GLIS1: variants seen among roughly 807,000 people sequenced by gnomAD.
GLIS1 encodes the protein GLIS family zinc finger 1.
Under a neutral mutation model 63.8 loss-of-function variants are expected in GLIS1, and 24 were observed. That is an observed-to-expected ratio of 0.38 (90% CI 0.27 to 0.53). The LOEUF is 0.53. GLIS1 is among the 20% of genes least tolerant of loss of function. The probability of loss-of-function intolerance (pLI) is 0.85; values close to 1 mark genes in which losing one functional copy is unlikely to be tolerated. For synonymous variants in GLIS1, 450 were observed against 482.5 expected (o/e 0.93, Z 0.88); for missense variants, 1,036 against 1,074.1 (o/e 0.96, Z 0.50).
intron 4 of GLIS1, among the ~76,000 whole-genome samples, chr1:53,571,343 A>C (rs1011372746): frequency 6.6e-6 from 1 of 152,230 alleles, no homozygotes; most frequent in Admixed American, 6.5e-5. Context: ...ATTTTCATAC[A>C]TTCCCTAAGC....
chr1:53,591,311 AGAG>A (rs902894345), intron 4 of GLIS1, among the ~76,000 whole-genome samples: 1 of 152,132 alleles, frequency 6.6e-6, no homozygotes, highest in Non-Finnish European at 1.5e-5. Flanking sequence ...ACCGCAGGCA[AGAG>A]GAGGCCAGGG....
intron 2 of GLIS1, among the ~76,000 whole-genome samples, chr1:53,703,402 C>T (rs1018149549): frequency 3.3e-5 from 5 of 151,908 alleles, no homozygotes; most frequent in Non-Finnish European, 5.9e-5. Flanking sequence ...TTTAAGAGGC[C>T]AAGGCAGGAG....
Position 53,639,381 on chromosome 1 carries a change from G to A in GLIS1, c.260-39103C>T, listed in dbSNP as rs1422129863. Among the ~76,000 whole-genome samples, 1 of 152,120 alleles carries A rather than the reference G, an allele frequency of 6.6e-6. No individual in the cohort carries two copies. The highest frequency in any genetic ancestry group is 1.5e-5 in the Non-Finnish European group (1 of 68,026). On this transcript the variant is annotated intron_variant, in intron 2 of 10. Transcript: ENST00000628545. The surrounding 1 kb of genome is among the most constrained non-coding windows in gnomAD (Gnocchi z 4.6). The stretch of plus-strand genomic sequence containing the variant: ...CCATCTCCCATTGGCCCGCAGGGTG[G>A]CAGCAGCCGTCTGGGAGGCTGGACT...
At chr1:53,582,016 G>T (rs1176910761) in intron 4 of GLIS1, among the ~76,000 whole-genome samples, 1 of 152,210 alleles carries the variant, frequency 6.6e-6, no homozygotes, top group Non-Finnish European at 1.5e-5. Flanking sequence ...GACTTGCCCA[G>T]AACCACAGAC....
At chr1:53,658,759 C>G (rs1391717136) in intron 2 of GLIS1, among the ~76,000 whole-genome samples, 1 of 152,164 alleles carries the variant, frequency 6.6e-6, no homozygotes, top group Non-Finnish European at 1.5e-5. Context: ...CCATGGTGCA[C>G]AGCAGGAGGT....
At chr1:53,573,372 C>T (rs1401977111) in intron 4 of GLIS1, among the ~76,000 whole-genome samples, 1 of 152,020 alleles carries the variant, frequency 6.6e-6, no homozygotes, top group African/African-American at 2.4e-5. Context: ...GACCCTCCAC[C>T]CCCTCCAATT....
At chr1:53,513,865 G>A (rs545590834) in intron 8 of GLIS1, among the ~76,000 whole-genome samples, 1 of 152,376 alleles carries the variant, frequency 6.6e-6, no homozygotes, top group East Asian at 1.9e-4. Flanking sequence ...CCATGGCCAA[G>A]GCTGTAGCCA....
intron 2 of GLIS1, among the ~76,000 whole-genome samples, chr1:53,605,651 G>A (rs1271728675): frequency 6.6e-6 from 1 of 152,222 alleles, no homozygotes; most frequent in Non-Finnish European, 1.5e-5. Context: ...TCAGGACAAG[G>A]ATCTTGGAGC....
intron 2 of GLIS1, among the ~76,000 whole-genome samples, chr1:53,603,277 A>G (rs1468287200): frequency 6.6e-6 from 1 of 152,154 alleles, no homozygotes; most frequent in Non-Finnish European, 1.5e-5. Context: ...CTCTGGGTGG[A>G]AACATCAACC....
At chr1:53,645,295 C>T (rs984348395) in intron 2 of GLIS1, among the ~76,000 whole-genome samples, 3 of 152,214 alleles carry the variant, frequency 2.0e-5, no homozygotes, top group African/African-American at 7.2e-5. Flanking sequence ...CCAACACTTC[C>T]TGTCTCCCTT....
intron 2 of GLIS1, among the ~76,000 whole-genome samples, chr1:53,631,453 T>A (rs1333666119): frequency 6.6e-6 from 1 of 152,230 alleles, no homozygotes; most frequent in African/African-American, 2.4e-5. Context: ...ATATCACATG[T>A]ATGTACTTAC....
chr1:53,598,271 G>A lies in GLIS1; in HGVS notation c.437+1830C>T, dbSNP rs534082243. 1.1e-4 allele frequency among the ~76,000 whole-genome samples: 17 copies of A among 152,288 alleles called. No homozygotes were observed. The highest frequency in any genetic ancestry group is 3.1e-4 in the African/African-American group (13 of 41,574). On this transcript the variant is annotated intron_variant, in intron 3 of 10. Transcript: ENST00000628545. The surrounding 1 kb of genome is among the most constrained non-coding windows in gnomAD (Gnocchi z 4.6). ...CTTATAAGAAATGAGGGCCGGGCAC[G>A]GTGGCTCACGCCTGTAATCCCAGCA...
At chr1:53,603,228 G>A (rs1405246995) in intron 2 of GLIS1, among the ~76,000 whole-genome samples, 2 of 152,286 alleles carry the variant, frequency 1.3e-5, no homozygotes, top group South Asian at 2.1e-4. Context: ...TAGTGCTCTA[G>A]GCTCATTCAA....
At chr1:53,567,728 G>C (rs547276331) in intron 4 of GLIS1, among the ~76,000 whole-genome samples, 1 of 152,334 alleles carries the variant, frequency 6.6e-6, no homozygotes, top group African/African-American at 2.4e-5. Flanking sequence ...GTGGCTAAAA[G>C]GGGCCAAGGT....
chr1:53,665,845 G>A (rs189305349), intron 2 of GLIS1, among the ~76,000 whole-genome samples: 15 of 152,272 alleles, frequency 9.9e-5, no homozygotes, highest in South Asian at 6.2e-4. Context: ...ATACAATGAC[G>A]CCTAAGAACT....
At chr1:53,509,415 A>G in intron 9 of GLIS1, 128 bp from the exon 10 acceptor site, 1 of 1,014,304 alleles carries the variant, frequency 9.9e-7, no homozygotes, top group Non-Finnish European at 1.4e-6. Flanking sequence ...TGAGAGAGAG[A>G]GGAGGGCCCA....
intron 2 of GLIS1, among the ~76,000 whole-genome samples, chr1:53,717,941 T>G (rs1197957831): frequency 6.6e-6 from 1 of 152,016 alleles, no homozygotes; most frequent in Non-Finnish European, 1.5e-5. Context: ...GCTCTGCCCA[T>G]GCGAAGCATC....
Position 53,524,844 on chromosome 1 carries a change from G to T in GLIS1, c.1526C>A (p.Thr509Lys), listed in dbSNP as rs1644448452. The T allele has an allele frequency of 1.2e-6, 2 of 1,613,110 alleles. No individual in the cohort carries two copies. The change falls in exon 6 of 11, where the codon ACA (threonine) becomes AAA (lysine). Residue 509 changes from threonine (T) to lysine (K), a missense_variant. Thr to Lys is a moderately conservative substitution (Grantham distance 78, BLOSUM62 -1). Around this residue, in one of 3 missense-constraint regions of GLIS1, gnomAD observed 400 missense variants for 400.9 expected, o/e 1.00. Transcript: ENST00000628545. ...GTGCTTGCGGAGGGAGCTGGGGTCT[G>T]TGTAGCGCTTGGAGCAGCCAGGGAT... ...CQIPGCSKRY[T>K]DPSSLRKHVK...
rs750997565 is a variant in GLIS1 at position 53,594,126 on chromosome 1, C to T, written c.1302G>A (p.Glu434=). The T allele has an allele frequency of 1.6e-5, 25 of 1,610,684 alleles. No homozygotes were observed. Among genetic ancestry groups the T allele is most frequent in the Non-Finnish European group, 2.0e-5 (24 of 1,177,632 alleles). Residue 434 remains glutamate, a synonymous_variant, in exon 4 of 11, where the codon GAG becomes GAA. Transcript: ENST00000628545. The part of the protein sequence containing the change: ...LLIHMRVHSG[E]KPNKCMFEGC... ...AACTCACCATGCACTTGTTGGGCTT[C>T]TCGCCCGAGTGCACTCGCATGTGGA...
Sources: gnomAD v4.1 joint callset for allele counts (sites outside exome capture counted in the v4.1 genomes callset) on GRCh38, gnomAD v4.1.1 for gene constraint, gnomAD v4.1.1 regional missense constraint, Gnocchi (gnomAD v3.1) non-coding constraint, MANE v1.5 for transcripts, NCBI Gene and HGNC (gene_info 2026-07-23, HGNC 2026-07-21) for gene names.